The following PLPPR3 variants were observed in gnomAD, a reference collection of about 807,000 sequenced individuals.
The protein encoded by PLPPR3 is phospholipid phosphatase-related protein type 3.
In PLPPR3, 14 loss-of-function variants were observed where a neutral mutation model predicts 27.3. The observed-to-expected ratio is 0.51, with a 90% CI of 0.34 to 0.80. PLPPR3 has a LOEUF of 0.80. PLPPR3 is among the 30% of genes least tolerant of loss of function. The pLI is 0.01. For synonymous variants in PLPPR3, 671 were observed against 508.0 expected, an observed-to-expected ratio of 1.32 and a Z score of -4.32; for missense variants, 1,287 against 1,056.9, an observed-to-expected ratio of 1.22 and a Z score of -3.02.
chr19:820,567 T>A (rs1435130749), intron 2 of PLPPR3, among the ~76,000 whole-genome samples: 1 of 151,654 alleles, frequency 6.6e-6, no homozygotes, highest in East Asian at 2.0e-4. Context: ...TTGCCCAGGC[T>A]GGAGTGCAGT....
Position 815,813 on chromosome 19 carries a change from G to T in PLPPR3, c.114C>A (p.Phe38Leu), listed in dbSNP as rs775968619. 15 of 1,612,676 alleles carry T rather than the reference G, an allele frequency of 9.3e-6. No homozygotes were observed. Among genetic ancestry groups the T allele is most frequent in the Non-Finnish European group, 1.3e-5 (15 of 1,179,908 alleles). Residue 38 changes from phenylalanine (F) to leucine (L), a missense_variant, in exon 3 of 8, where the codon TTC becomes TTA. Transcript: ENST00000520876. ...IVASSIVSLY[F>L]LELTDLFKPA... Reference sequence around the variant, plus strand: ...GCTTGAAGAGGTCGGTCAGCTCCAGGAAGTACAAGGATACGATGGAAGAAG... The same window carrying T: ...GCTTGAAGAGGTCGGTCAGCTCCAGTAAGTACAAGGATACGATGGAAGAAG...
chr19:819,844 A>G (rs1171620720), intron 2 of PLPPR3, among the ~76,000 whole-genome samples: 1 of 151,958 alleles, frequency 6.6e-6, no homozygotes, highest in Admixed American at 6.6e-5. Flanking sequence ...GATGGATTAA[A>G]GTTATTTTAT....
chr19:813,971 G>T lies in PLPPR3; in HGVS notation c.832-76C>A. The T allele has an allele frequency of 1.4e-6, 2 of 1,397,280 alleles. No homozygotes were observed. Among genetic ancestry groups the T allele is most frequent in the Non-Finnish European group, 1.9e-6 (2 of 1,079,426 alleles). 86.6% of individuals were successfully genotyped at this position (1,397,280 alleles called of 1,614,324 possible). On this transcript the variant is annotated intron_variant, in intron 7 of 7. Coordinates refer to ENST00000520876, the MANE Select transcript of PLPPR3 (RefSeq NM_001270366.2). This position sits in a 1 kb window ranked among gnomAD's most constrained non-coding sequence, Gnocchi z 4.1. The stretch of plus-strand genomic sequence containing the variant: ...CCCCTGTGATCGTTGGACTTGCCGC[G>T]GGGGGCTCTGGACCGGGGGTGGGGG...
intron 4 of PLPPR3, 30 bp from the exon 5 acceptor site, chr19:815,111 G>A (rs1380526875): frequency 6.2e-7 from 1 of 1,600,950 alleles, no homozygotes; most frequent in Non-Finnish European, 8.5e-7. Flanking sequence ...GCCAGGCGGG[G>A]AGCTGGGGAC....
At chr19:823,144 C>CA (rs1035602813), upstream of PLPPR3, among the ~76,000 whole-genome samples, 7 of 145,040 alleles carry the variant, frequency 4.8e-5, no homozygotes, top group Middle Eastern at 3.7e-3. Context: ...AACAAACAAA[C>CA]AAAGAGTGAC....
In PLPPR3 at chr19:815,658, G is replaced by T. The variant is rs892786324; in HGVS notation, c.261+8C>A. 1.0e-5 allele frequency: 16 copies of T among 1,569,382 alleles called. No homozygotes were observed. The highest frequency in any genetic ancestry group is 3.8e-5 in the Admixed American group (2 of 53,142). On this transcript the variant is annotated splice_region_variant and intron_variant, in intron 3 of 7. Transcript: ENST00000520876. The stretch of plus-strand genomic sequence containing the variant: ...CAGGCTGGCACAGGCCCCGGTGCAG[G>T]TGCTCACCGAGGCGGCAGGGGCCGC...
chr19:816,003 C>A, intron 2 of PLPPR3, 152 bp from the exon 3 acceptor site: 1 of 730,990 alleles, frequency 1.4e-6, no homozygotes, highest in South Asian at 1.9e-5. Flanking sequence ...AGTTATTCAT[C>A]CATCCACAGA....
At chr19:817,440 T>G (rs375533412) in intron 2 of PLPPR3, among the ~76,000 whole-genome samples, 6 of 151,646 alleles carry the variant, frequency 4.0e-5, no homozygotes, top group African/African-American at 1.2e-4. Context: ...ACCTGGCTAA[T>G]TTTTTGTATT....
At chr19:820,038 G>T (rs933759394) in intron 2 of PLPPR3, among the ~76,000 whole-genome samples, 1 of 152,040 alleles carries the variant, frequency 6.6e-6, no homozygotes, top group African/African-American at 2.4e-5. Context: ...TGTAGAGATG[G>T]GTTTTTGCCA....
chr19:814,697 C>T lies in PLPPR3; in HGVS notation c.652G>A (p.Val218Met). ...ATLSAFAAVY[V>M]SMYFNSVISD... ...CAGTGAGGGGCCGGACTCACCGACA[C>T]ATAGACCGCGGCGAAGGCTGACAGC... is the stretch of plus-strand genomic sequence containing the variant. The change falls in exon 6 of 8, where the codon GTG (valine) becomes ATG (methionine). Residue 218 changes from valine to methionine, a missense_variant. Val to Met is a conservative substitution (Grantham distance 21). Transcript: ENST00000520876. 1 of 1,598,480 alleles carries T rather than the reference C, an allele frequency of 6.3e-7. No individual in the cohort carries two copies. Among genetic ancestry groups the T allele is most frequent in the Non-Finnish European group, 8.5e-7 (1 of 1,175,426 alleles).
Position 812,541 on chromosome 19 carries a change from G to GGGCC in PLPPR3, c.*28_*29insGGCC. The GGGCC allele has an allele frequency of 7.6e-5, 47 of 617,368 alleles. No individual in the cohort carries two copies. The highest frequency in any genetic ancestry group is 2.1e-4 in the South Asian group (3 of 14,282). The allele number at this position is 617,368 out of a possible 1,614,324, so 38.2% of individuals were successfully genotyped here. A position where few individuals can be genotyped will look rare whatever the true frequency, so the allele number is the denominator to read the frequency against. ...GCGCGGCCGCCCGCGCCCTCGGCCC[G>GGGCC]CCCCCCGCCCGCCCCCGGCCCCGCC... is the stretch of plus-strand genomic sequence containing the variant. On this transcript the variant is annotated 3_prime_UTR_variant, in exon 8 of 8. Coordinates refer to ENST00000520876, the MANE Select transcript of PLPPR3 (RefSeq NM_001270366.2).
chr19:812,530 GC>G lies in PLPPR3; in HGVS notation c.*39del, dbSNP rs2034937184. 5 of 986,720 alleles carry G rather than the reference GC, an allele frequency of 5.1e-6. No homozygotes were observed. The highest frequency in any genetic ancestry group is 6.0e-6 in the Non-Finnish European group (5 of 829,982). 61.1% of individuals were successfully genotyped at this position (986,720 alleles called of 1,614,324 possible). On this transcript the variant is annotated 3_prime_UTR_variant, in exon 8 of 8. Coordinates refer to ENST00000520876, the MANE Select transcript of PLPPR3 (RefSeq NM_001270366.2). ...ATTGAGCATCCGCGCGGCCGCCCGC[GC>G]CCTCGGCCCGCCCCCCGCCCGCCCC...
At position 814,547 on chromosome 19, in the gene PLPPR3, C is replaced by T. The variant is rs143355871; in HGVS notation, c.718G>A (p.Ala240Thr). 4.5e-5 allele frequency: 72 copies of T among 1,612,006 alleles called. No homozygotes were observed. In the African/African-American group the frequency reaches 4.5e-4, roughly 10 times the overall value. ...TKLLKPILVF[A>T]FAIAAGVCGL... ...CATACGCCCGCGGCGATGGCAAAGG[C>T]GAAGACCAGGATGGGCTTCAGCAGC... Residue 240 changes from alanine to threonine, a missense_variant, in exon 7 of 8, where the codon GCC becomes ACC. Transcript: ENST00000520876.
Position 814,704 on chromosome 19 carries a change from C to G in PLPPR3, c.645G>C (p.Ala215=). The stretch of plus-strand genomic sequence containing the variant: ...GGGCCGGACTCACCGACACATAGAC[C>G]GCGGCGAAGGCTGACAGCGTGGCGT... The part of the protein sequence containing the change: ...SQHATLSAFA[A]VYVSMYFNSV... Residue 215 remains alanine, a synonymous_variant, in exon 6 of 8, where the codon GCG becomes GCC. Transcript: ENST00000520876. 2 of 1,595,626 alleles carry G rather than the reference C, an allele frequency of 1.3e-6. No homozygotes were observed. Among genetic ancestry groups the G allele is most frequent in the East Asian group, 4.5e-5 (2 of 44,688 alleles).
intron 1 of PLPPR3, 130 bp downstream of exon 1, chr19:821,785 T>G: frequency 7.0e-5 from 20 of 287,740 alleles, no homozygotes; most frequent in East Asian, 1.8e-4. Flanking sequence ...GGGGCCGGGA[T>G]CGCCGAGGAG....
chr19:816,336 CCCACCCAT>C (rs2035053425), intron 2 of PLPPR3, among the ~76,000 whole-genome samples: 1 of 53,286 alleles, frequency 1.9e-5, no homozygotes, highest in African/African-American at 1.2e-4. Context: ...CATCCACCCA[CCCACCCAT>C]CCATCCGTCC....
At chr19:815,405 C>T (rs2035036247) in intron 3 of PLPPR3, 78 bp from the exon 4 acceptor site, 2 of 1,430,738 alleles carry the variant, frequency 1.4e-6, no homozygotes, top group Admixed American at 2.4e-5. Flanking sequence ...TCTGCAGTGC[C>T]CACAGGCTGG....
rs1463942345 is a variant in PLPPR3 at position 815,703 on chromosome 19, A to T, written c.224T>A (p.Met75Lys). Residue 75 changes from methionine (M) to lysine (K), a missense_variant, in exon 3 of 8, where the codon ATG becomes AAG. Met to Lys is a moderately conservative substitution (Grantham distance 95). Transcript: ENST00000520876. The stretch of plus-strand genomic sequence containing the variant: ...GGCCGCGAAGGCCAAGCTGAGCAGC[A>T]TCAGCAGCGGGATGAGCTCCTCGTT... ...ETNEELIPLLMLLSLAFAAPA... is the reference protein window; with the variant it reads ...ETNEELIPLLKLLSLAFAAPA... 6.2e-7 allele frequency: 1 copy of T among 1,606,906 alleles called. No homozygotes were observed. The highest frequency in any genetic ancestry group is 8.5e-7 in the Non-Finnish European group (1 of 1,177,328).
chr19:813,178 C>T lies in PLPPR3; in HGVS notation c.1549G>A (p.Ala517Thr), dbSNP rs758653450. 3.3e-6 allele frequency: 5 copies of T among 1,515,330 alleles called. No homozygotes were observed. Among genetic ancestry groups the T allele is most frequent in the African/African-American group, 2.9e-5 (2 of 68,400 alleles). 93.9% of individuals were successfully genotyped at this position (1,515,330 alleles called of 1,614,324 possible). Residue 517 changes from alanine to threonine, a missense_variant, in exon 8 of 8, where the codon GCC (alanine) becomes ACC (threonine). By Grantham distance (58) the Ala-to-Thr change is moderately conservative. Coordinates refer to ENST00000520876, the MANE Select transcript of PLPPR3 (RefSeq NM_001270366.2). The surrounding 1 kb of genome is among the most constrained non-coding windows in gnomAD (Gnocchi z 4.1). ...LSPKSGAGVR[A>T]KWLMMAEKSG... ...TTCTCGGCCATCATGAGCCACTTGG[C>T]GCGCACCCCGGCGCCGCTTTTGGGG...
Sources: gnomAD v4.1 joint callset for allele counts (sites outside exome capture counted in the v4.1 genomes callset) on GRCh38, gnomAD v4.1.1 for gene constraint, Gnocchi (gnomAD v3.1) non-coding constraint, MANE v1.5 for transcripts, NCBI Gene and HGNC (gene_info 2026-07-23, HGNC 2026-07-21) for gene names.